DNAH11: variants seen among roughly 807,000 people sequenced by gnomAD.
The protein encoded by DNAH11 is axonemal beta dynein heavy chain 11.
A neutral mutation model predicts 526.0 loss-of-function variants in DNAH11; 442 were observed. The observed-to-expected ratio is 0.84, with a 90% confidence interval of 0.78 to 0.91. DNAH11 has a LOEUF of 0.91. Among genes scored for constraint, DNAH11 ranks in the 40% least tolerant of loss-of-function variants. The pLI is 0.00. For missense variants in DNAH11, 6,989 were observed against 5,448.7 expected, an observed-to-expected ratio of 1.28 and a Z score of -8.90; for synonymous variants, 2,461 against 1,935.9, an observed-to-expected ratio of 1.27 and a Z score of -7.12.
intron 6 of DNAH11, among the ~76,000 whole-genome samples, chr7:21,568,943 C>T (rs957243719): frequency 1.3e-5 from 2 of 152,196 alleles, no homozygotes; most frequent in Non-Finnish European, 2.9e-5. Context: ...GTTCTCTTCA[C>T]TGCCCTGAAT....
chr7:21,725,369 A>G (rs1785058834), intron 44 of DNAH11, among the ~76,000 whole-genome samples: 1 of 152,236 alleles, frequency 6.6e-6, no homozygotes. Context: ...GCATTTATGA[A>G]AATAACTATC....
rs780024971 is a variant in DNAH11 at position 21,707,809 on chromosome 7, T to C, written c.6657T>C (p.His2219=). The change falls in exon 40 of 82, where the codon CAT becomes CAC. Residue 2219 remains histidine (H), a synonymous_variant. Transcript: ENST00000409508. Reference sequence around the variant, plus strand: ...ATGAACTCTTTGGTTTCATACATCATGCTACCCGAGAATGGAAAGATGGCA... The same window carrying C: ...ATGAACTCTTTGGTTTCATACATCACGCTACCCGAGAATGGAAAGATGGCA... ...TTDELFGFIH[H]ATREWKDGKI... is the part of the protein sequence containing the mutation. 5.0e-6 allele frequency: 8 copies of C among 1,604,662 alleles called. No homozygotes were observed. The highest frequency in any genetic ancestry group is 6.8e-6 in the Non-Finnish European group (8 of 1,176,502).
intron 2 of DNAH11, among the ~76,000 whole-genome samples, chr7:21,549,336 T>C (rs1239336485): frequency 6.6e-6 from 1 of 152,202 alleles, no homozygotes; most frequent in African/African-American, 2.4e-5. Flanking sequence ...CTTACTCTTG[T>C]TGAGGGCTTG....
At chr7:21,719,977 CA>C (rs1479547677) in intron 43 of DNAH11, among the ~76,000 whole-genome samples, 1 of 152,238 alleles carries the variant, frequency 6.6e-6, no homozygotes, top group Admixed American at 6.5e-5. Flanking sequence ...GCCTCTGCAG[CA>C]GCCGCATTCC....
chr7:21,570,400 G>A (rs1283764387), intron 7 of DNAH11, 101 bp downstream of exon 7: 2 of 933,692 alleles, frequency 2.1e-6, no homozygotes, highest in Non-Finnish European at 3.2e-6. Context: ...TATCATAGGT[G>A]GAGGTCTCCT....
chr7:21,589,114 GTATTA>G, intron 11 of DNAH11, 89 bp from the exon 12 acceptor site: 4 of 956,452 alleles, frequency 4.2e-6, no homozygotes, highest in Non-Finnish European at 5.9e-6. Context: ...TGTTTATAGT[GTATTA>G]TATTTTATAT....
Position 21,612,405 on chromosome 7 carries a change from A to T in DNAH11, c.3853-2709A>T, listed in dbSNP as rs1253682290. ...CCTGTCTCTACTAAAAATACAAAAA[A>T]TTAGCCGGGCGTGGTGGCAGGCGCC... On this transcript the variant is annotated intron_variant, in intron 20 of 81. Coordinates refer to ENST00000409508, the MANE Select transcript of DNAH11 (RefSeq NM_001277115.2). 2.0e-5 allele frequency among the ~76,000 whole-genome samples: 3 copies of T among 151,884 alleles called. No individual in the cohort carries two copies. In the East Asian group the frequency reaches 5.8e-4, roughly 29 times the overall value.
chr7:21,660,704 T>C (rs1782206302), intron 30 of DNAH11, among the ~76,000 whole-genome samples: 1 of 151,992 alleles, frequency 6.6e-6, no homozygotes, highest in Non-Finnish European at 1.5e-5. Flanking sequence ...TATGAATGTA[T>C]AGACATGCCT....
In DNAH11 at chr7:21,868,877, C is replaced by CT. The variant is rs756882424; in HGVS notation, c.11856dup (p.Thr3953TyrfsTer3). On this transcript the variant is annotated frameshift_variant, in exon 73 of 82. Transcript: ENST00000409508. LOFTEE classifies it high-confidence loss of function. ...ATTCTCCCACAGGCAAAAGACTTGG[C>CT]TTTACAATTGACTCTGGAAAATTCC... 1 of 1,613,996 alleles carries CT rather than the reference C, an allele frequency of 6.2e-7. No individual in the cohort carries two copies. Among genetic ancestry groups the CT allele is most frequent in the South Asian group, 1.1e-5 (1 of 91,080 alleles).
rs1789310038 is a variant in DNAH11, at chr7:21,807,374, C to T, written c.10166-509C>T. 2.0e-5 allele frequency among the ~76,000 whole-genome samples: 3 copies of T among 152,180 alleles called. No homozygotes were observed. The South Asian group carries it at 6.2e-4, about 32-fold the overall frequency. The stretch of plus-strand genomic sequence containing the variant: ...ATTTGCCAGGCGTGGTGGTGCATGC[C>T]TATAGTCCCAGCTACTTGAGAGGCT... On this transcript the variant is annotated intron_variant, in intron 62 of 81. Transcript: ENST00000409508.
At chr7:21,563,497 G>A (rs190422323) in intron 5 of DNAH11, among the ~76,000 whole-genome samples, 164 of 152,134 alleles carry the variant, frequency 1.1e-3, no homozygotes, top group Non-Finnish European at 1.5e-3. Context: ...CACCTGGCCC[G>A]CTGTAGCATT....
intron 42 of DNAH11, among the ~76,000 whole-genome samples, chr7:21,712,342 G>A (rs2128481392): frequency 6.6e-6 from 1 of 152,274 alleles, no homozygotes; most frequent in Middle Eastern, 3.4e-3. Context: ...CTGTAAACAT[G>A]GGTATACAAA....
At chr7:21,859,398 G>T (rs1013145189) in intron 68 of DNAH11, among the ~76,000 whole-genome samples, 7 of 152,198 alleles carry the variant, frequency 4.6e-5, no homozygotes, top group African/African-American at 1.7e-4. Context: ...ACAGGCATGA[G>T]CCACAAGCCC....
intron 53 of DNAH11, 26 bp from the exon 54 acceptor site, chr7:21,750,196 G>C: frequency 6.4e-7 from 1 of 1,555,270 alleles, no homozygotes; most frequent in Non-Finnish European, 8.7e-7. Flanking sequence ...TGATCTTTTA[G>C]TAATTCTACT....
At chr7:21,786,535 C>A in intron 58 of DNAH11, 89 bp from the exon 59 acceptor site, 2 of 1,460,468 alleles carry the variant, frequency 1.4e-6, no homozygotes, top group South Asian at 3.0e-5. Context: ...AAGTGGGAGT[C>A]CACTAAAGCC....
chr7:21,742,467 C>A (rs1490615075), intron 49 of DNAH11, among the ~76,000 whole-genome samples: 1 of 152,078 alleles, frequency 6.6e-6, no homozygotes, highest in African/African-American at 2.4e-5. Context: ...AACTTTTAAA[C>A]AACCAGATCT....
At position 21,638,937 on chromosome 7, in the gene DNAH11, A is replaced by T. The variant is rs886044152; in HGVS notation, c.4818-2A>T. ...GCTTAAAAACATTTTTCATTCATGT[A>T]GGCTTTCTCTTTGTGAAAAAGCTCT... On this transcript the variant is annotated splice_acceptor_variant, in intron 27 of 81. Transcript: ENST00000409508. LOFTEE classifies it high-confidence loss of function. 1.2e-6 allele frequency: 2 copies of T among 1,600,452 alleles called. No individual in the cohort carries two copies. The highest frequency in any genetic ancestry group is 1.7e-6 in the Non-Finnish European group (2 of 1,175,804).
At position 21,801,035 on chromosome 7, in the gene DNAH11, G is replaced by C. The variant is rs1196885410; in HGVS notation, c.10027-102G>C. 9 of 1,210,444 alleles carry C rather than the reference G, an allele frequency of 7.4e-6. No homozygotes were observed. In the East Asian group the frequency reaches 2.0e-4, roughly 27 times the overall value. 75.0% of individuals were successfully genotyped at this position (1,210,444 alleles called of 1,614,324 possible). A position where few individuals can be genotyped will look rare whatever the true frequency, so the allele number is the denominator to read the frequency against. On this transcript the variant is annotated intron_variant, in intron 61 of 81. Coordinates refer to ENST00000409508, the MANE Select transcript of DNAH11 (RefSeq NM_001277115.2). ...AAGGGGCAAAGGTTAATGGGGGGAAGAGGTTTGTCCATTTACCTTACAGTA... is the reference window on the plus strand; with the variant it reads ...AAGGGGCAAAGGTTAATGGGGGGAACAGGTTTGTCCATTTACCTTACAGTA...
At chr7:21,639,528 G>A (rs958252903) in intron 28 of DNAH11, among the ~76,000 whole-genome samples, 3 of 152,116 alleles carry the variant, frequency 2.0e-5, no homozygotes, top group Admixed American at 1.3e-4. Context: ...TATCATTTCA[G>A]GATCATCCCG....
Sources: gnomAD v4.1 joint callset for allele counts (sites outside exome capture counted in the v4.1 genomes callset) on GRCh38, gnomAD v4.1.1 for gene constraint, MANE v1.5 for transcripts, NCBI Gene and HGNC (gene_info 2026-07-23, HGNC 2026-07-21) for gene names.